The following ESPNL variants were observed in gnomAD, a reference collection of about 807,000 sequenced individuals.
The protein encoded by ESPNL is espin like, also known as espin-like protein.
In ESPNL, 49 loss-of-function variants were observed where a neutral mutation model predicts 46.8. That is an observed-to-expected ratio of 1.05 (90% confidence interval 0.83 to 1.33). The LOEUF is 1.33. Ranked by LOEUF, ESPNL falls within the 40% of genes most tolerant of loss-of-function variation. The probability of loss-of-function intolerance (pLI) is 0.00; values close to 1 mark genes in which losing one functional copy is unlikely to be tolerated. For missense variants in ESPNL, 1,540 were observed against 1,436.6 expected (o/e 1.07, Z -1.16); for synonymous variants, 664 against 662.1 (o/e 1.00, Z -0.04).
Position 238,107,903 on chromosome 2 carries a change from G to A in ESPNL, c.785G>A (p.Gly262Asp). ...TPILDRLLLM[G>D]TPILRDSWGG... ...ATTCTAGACCGACTCCTGCTCATGGGTACCCCCATCCTGAGAGACTCCTGG... is the reference window on the plus strand; with the variant it reads ...ATTCTAGACCGACTCCTGCTCATGGATACCCCCATCCTGAGAGACTCCTGG... Residue 262 changes from glycine (G) to aspartate (D), a missense_variant, in exon 4 of 9, where the codon GGT (glycine) becomes GAT (aspartate). Coordinates refer to ENST00000343063, the MANE Select transcript of ESPNL (RefSeq NM_194312.4). The A allele has an allele frequency of 6.2e-7, 1 of 1,612,490 alleles. No individual in the cohort carries two copies.
In ESPNL at chr2:238,114,826, C is replaced by T. The variant is rs908984611; in HGVS notation, c.856-2077C>T. Among the ~76,000 whole-genome samples the T allele has an allele frequency of 5.3e-5, 8 of 152,188 alleles. No individual in the cohort carries two copies. Among genetic ancestry groups the T allele is most frequent in the African/African-American group, 9.7e-5 (4 of 41,444 alleles). On this transcript the variant is annotated intron_variant, in intron 4 of 8. Transcript: ENST00000343063. The surrounding 1 kb of genome is among the most constrained non-coding windows in gnomAD (Gnocchi z 5.0). ...CCACAAATAAAGCCTTGTGGGCACC[C>T]GGCCACGCTATGGGTGGCAGCTTTC... is the stretch of plus-strand genomic sequence containing the variant.
chr2:238,129,484 G>A (rs1260729183), intron 8 of ESPNL, among the ~76,000 whole-genome samples: 2 of 152,240 alleles, frequency 1.3e-5, no homozygotes, highest in East Asian at 1.9e-4. Context: ...GCATGGAGTG[G>A]GCGCCTGAGG....
chr2:238,120,459 C>T (rs1559264386), intron 5 of ESPNL, among the ~76,000 whole-genome samples: 1 of 152,256 alleles, frequency 6.6e-6, no homozygotes, highest in Non-Finnish European at 1.5e-5. Context: ...GGTCCCATGC[C>T]TGGGCTTTCT....
intron 5 of ESPNL, among the ~76,000 whole-genome samples, chr2:238,120,783 A>C (rs1486681586): frequency 6.6e-6 from 1 of 152,212 alleles, no homozygotes; most frequent in Non-Finnish European, 1.5e-5. Flanking sequence ...GAGGGAGGGC[A>C]GGCTGTCAGC....
rs895042059 is a variant in ESPNL, at chr2:238,131,285, C to T, written c.2571C>T (p.Leu857=). Residue 857 remains leucine (L), a synonymous_variant, in exon 9 of 9, where the codon CTC becomes CTT. Transcript: ENST00000343063. ...PVPYSSLSLD[L]FMLGYFQLLE... ...CCTACAGCAGCCTCTCACTGGATCT[C>T]TTCATGCTGGGTTACTTCCAGCTGC... 2 of 1,580,932 alleles carry T rather than the reference C, an allele frequency of 1.3e-6. No individual in the cohort carries two copies. The highest frequency in any genetic ancestry group is 8.6e-7 in the Non-Finnish European group (1 of 1,164,944).
Position 238,130,983 on chromosome 2 carries a change from G to A in ESPNL, c.2269G>A (p.Ala757Thr). ...CTGGAGGAGATCGGCCTACACGCCG[G>A]CCCTCAAGACAGTGGCCTGCAGGAC... ...SHWRRSAYTP[A>T]LKTVACRTLG... The change falls in exon 9 of 9, where the codon GCC (alanine) becomes ACC (threonine). Residue 757 changes from alanine to threonine, a missense_variant. Physicochemically the swap from Ala to Thr is moderately conservative, Grantham distance 58. Coordinates refer to ENST00000343063, the MANE Select transcript of ESPNL (RefSeq NM_194312.4). The A allele has an allele frequency of 6.5e-7, 1 of 1,547,984 alleles. No homozygotes were observed. The highest frequency in any genetic ancestry group is 8.7e-7 in the Non-Finnish European group (1 of 1,147,042).
intron 5 of ESPNL, among the ~76,000 whole-genome samples, chr2:238,122,981 G>A (rs1692020931): frequency 6.6e-6 from 1 of 152,348 alleles, no homozygotes; most frequent in Middle Eastern, 3.4e-3. Flanking sequence ...CCAGACTCCT[G>A]GGTCCAAGAC....
intron 5 of ESPNL, among the ~76,000 whole-genome samples, chr2:238,119,224 AGGAAGAGGGTGGAT>A (rs1559263817): frequency 9.7e-6 from 1 of 102,638 alleles, no homozygotes; most frequent in African/African-American, 4.0e-5. Flanking sequence ...GGAGGGTGGA[AGGAAGAGGGTGGAT>A]GGAAGAGGAT....
intron 3 of ESPNL, among the ~76,000 whole-genome samples, chr2:238,105,496 A>C (rs551785812): frequency 2.9e-4 from 43 of 147,628 alleles, no homozygotes; most frequent in African/African-American, 4.3e-4. Context: ...CTGGGCAACA[A>C]AGTGAGACTC....
In ESPNL at chr2:238,102,055, G is replaced by A. The variant is rs1430637025; in HGVS notation, c.409G>A (p.Gly137Arg). 1.3e-6 allele frequency: 2 copies of A among 1,597,306 alleles called. No individual in the cohort carries two copies. The highest frequency in any genetic ancestry group is 1.7e-6 in the Non-Finnish European group (2 of 1,173,964). ...GHSATLETRE[G>R]ARPLHHAAVS... ...CTCGGCCACGCTAGAGACCCGGGAG[G>A]GAGCCCGGCCGCTGCACCACGCTGC... Residue 137 changes from glycine (G) to arginine (R), a missense_variant, in exon 2 of 9, where the codon GGA (glycine) becomes AGA (arginine). Physicochemically the swap from Gly to Arg is moderately radical, Grantham distance 125 (BLOSUM62 -2). Coordinates refer to ENST00000343063, the MANE Select transcript of ESPNL (RefSeq NM_194312.4).
Position 238,131,127 on chromosome 2 carries a change from A to G in ESPNL, c.2413A>G (p.Thr805Ala). 1 of 1,545,276 alleles carries G rather than the reference A, an allele frequency of 6.5e-7. No homozygotes were observed. Residue 805 changes from threonine (T) to alanine (A), a missense_variant, in exon 9 of 9, where the codon ACC becomes GCC. Thr to Ala is a moderately conservative substitution (Grantham distance 58). Coordinates refer to ENST00000343063, the MANE Select transcript of ESPNL (RefSeq NM_194312.4). ...CCTGTGGCAGCAGCGCAGCACCATC[A>G]CCCACCTGCTGGGCAACTGGAAGGC... ...GHLWQQRSTI[T>A]HLLGNWKAIM...
At chr2:238,125,074 A>G (rs1014023195) in intron 5 of ESPNL, among the ~76,000 whole-genome samples, 196 bp from the exon 6 acceptor site, 5 of 152,084 alleles carry the variant, frequency 3.3e-5, no homozygotes, top group African/African-American at 1.2e-4. Flanking sequence ...AAGTGATGGC[A>G]CTCAGGCAGG....
At chr2:238,127,001 G>A (rs77438791) in intron 6 of ESPNL, among the ~76,000 whole-genome samples, 81,390 of 150,884 alleles carry the variant, frequency 0.54, 23,865 homozygotes, top group African/African-American at 0.77. Context: ...GTGTGTGATT[G>A]TGTATCTGTG....
At chr2:238,120,259 C>T (rs566463649) in intron 5 of ESPNL, among the ~76,000 whole-genome samples, 2 of 152,176 alleles carry the variant, frequency 1.3e-5, no homozygotes, top group Non-Finnish European at 2.9e-5. Flanking sequence ...TCCTTCAAGG[C>T]CGCTAGGTCA....
intron 5 of ESPNL, among the ~76,000 whole-genome samples, chr2:238,117,550 G>T (rs1334773182): frequency 3.3e-5 from 5 of 152,230 alleles, no homozygotes; most frequent in African/African-American, 1.2e-4. Flanking sequence ...AGAGGTGATC[G>T]CAAGGCGGCC....
intron 4 of ESPNL, among the ~76,000 whole-genome samples, chr2:238,116,424 A>G (rs1209847919): frequency 6.6e-6 from 1 of 152,292 alleles, no homozygotes; most frequent in East Asian, 1.9e-4. Flanking sequence ...TCCAGGCACT[A>G]GGGGGGAACC....
intron 8 of ESPNL, chr2:238,129,336 G>A: frequency 1.2e-6 from 1 of 853,818 alleles, no homozygotes; most frequent in Non-Finnish European, 1.4e-6. Flanking sequence ...TGGGGACGTG[G>A]CCTTGAGCAG....
chr2:238,115,114 A>G (rs1182376484), intron 4 of ESPNL, among the ~76,000 whole-genome samples: 1 of 151,628 alleles, frequency 6.6e-6, no homozygotes, highest in Non-Finnish European at 1.5e-5. Flanking sequence ...TCTGGAGCTG[A>G]TCTTGCGGCG....
intron 4 of ESPNL, among the ~76,000 whole-genome samples, chr2:238,116,155 A>G (rs1321833619): frequency 6.6e-6 from 1 of 152,226 alleles, no homozygotes; most frequent in Non-Finnish European, 1.5e-5. Context: ...ATGTTTACAG[A>G]ATAAAGTACA....
Sources: allele counts gnomAD v4.1 joint callset (sites outside exome capture counted in the v4.1 genomes callset), GRCh38; gene constraint gnomAD v4.1.1; non-coding constraint Gnocchi (gnomAD v3.1); transcripts MANE v1.5; gene names NCBI Gene and HGNC (gene_info 2026-07-23, HGNC 2026-07-21).